The following LRTM2 variants were observed in gnomAD, a reference collection of about 807,000 sequenced individuals.
LRTM2 encodes the protein leucine rich repeat transmembrane protein 2.
LRTM2 carries 18 observed loss-of-function variants against 28.1 expected under a neutral mutation model. That is an observed-to-expected ratio of 0.64 (90% CI 0.44 to 0.95). The LOEUF is 0.95. Among genes scored for constraint, LRTM2 ranks in the 40% least tolerant of loss-of-function variants. The probability of loss-of-function intolerance (pLI) is 0.00; values close to 1 mark genes in which losing one functional copy is unlikely to be tolerated. For synonymous variants in LRTM2, 250 were observed against 218.7 expected (o/e 1.14, Z -1.26); for missense variants, 436 against 497.2 (o/e 0.88, Z 1.17).
intron 4 of LRTM2, among the ~76,000 whole-genome samples, chr12:1,832,566 C>CA (rs1480885142): frequency 6.6e-6 from 1 of 152,206 alleles, no homozygotes; most frequent in Non-Finnish European, 1.5e-5. Context: ...TAAAGTCTTA[C>CA]TACTTTCATT....
chr12:1,830,800 T>A (rs1030974794), intron 3 of LRTM2, 135 bp from the exon 4 acceptor site: 1 of 692,750 alleles, frequency 1.4e-6, no homozygotes, highest in African/African-American at 1.8e-5. Context: ...TTAATAAACG[T>A]TTATGCATTG....
rs889073741 is a variant in LRTM2, at chr12:1,828,999, C to A, written c.67+784C>A. The stretch of plus-strand genomic sequence containing the variant: ...ATTCCGCCTGACTTCCCGCTCTGAT[C>A]CAGCACCCAACACGGGCAGCCTGAA... On this transcript the variant is annotated intron_variant, in intron 3 of 4. Transcript: ENST00000299194. This position sits in a 1 kb window ranked among gnomAD's most constrained non-coding sequence, Gnocchi z 4.2. 1.3e-5 allele frequency among the ~76,000 whole-genome samples: 2 copies of A among 152,234 alleles called. No homozygotes were observed. Among genetic ancestry groups the A allele is most frequent in the Admixed American group, 6.5e-5 (1 of 15,290 alleles).
intron 4 of LRTM2, among the ~76,000 whole-genome samples, chr12:1,831,921 G>A (rs1459720901): frequency 6.6e-6 from 1 of 152,150 alleles, no homozygotes; most frequent in Admixed American, 6.5e-5. Context: ...GTAGAAGGAG[G>A]GAGAAAAACA....
At chr12:1,830,431 AG>A (rs1864569877) in intron 3 of LRTM2, among the ~76,000 whole-genome samples, 1 of 152,064 alleles carries the variant, frequency 6.6e-6, no homozygotes, top group African/African-American at 2.4e-5. Flanking sequence ...TGGGCCACAG[AG>A]GGGAGGGAGC....
At position 1,828,258 on chromosome 12, in the gene LRTM2, G is replaced by A. The variant is rs1325956968; in HGVS notation, c.67+43G>A. 1.7e-5 allele frequency: 26 copies of A among 1,493,994 alleles called. No homozygotes were observed. The highest frequency in any genetic ancestry group is 2.3e-5 in the Non-Finnish European group (26 of 1,110,128). The allele number at this position is 1,493,994 out of a possible 1,614,324, so 92.5% of individuals were successfully genotyped here. ...CTCGGAGGGGGGTGCGGGTTGGGTG[G>A]GGGTGCCGAGGTGACTGTAGGTAGC... is the stretch of plus-strand genomic sequence containing the variant. On this transcript the variant is annotated intron_variant, in intron 3 of 4. Transcript: ENST00000299194. The surrounding 1 kb of genome is among the most constrained non-coding windows in gnomAD (Gnocchi z 4.2).
chr12:1,832,432 C>T (rs1307643147), intron 4 of LRTM2, among the ~76,000 whole-genome samples: 2 of 152,242 alleles, frequency 1.3e-5, no homozygotes, highest in African/African-American at 2.4e-5. Context: ...CGTTCACTTC[C>T]TGGTAATAAT....
chr12:1,820,757 C>G lies in LRTM2; in HGVS notation c.-316C>G, dbSNP rs955581128. 1 of 152,330 alleles carries G rather than the reference C, an allele frequency of 6.6e-6. No individual in the cohort carries two copies. Among genetic ancestry groups the G allele is most frequent in the Non-Finnish European group, 1.5e-5 (1 of 68,104 alleles). The allele number at this position is 152,330 out of a possible 1,614,324, so 9.4% of individuals were successfully genotyped here. A position where few individuals can be genotyped will look rare whatever the true frequency, so the allele number is the denominator to read the frequency against. The stretch of plus-strand genomic sequence containing the variant: ...ATTTCTATAGGAATCCCAGGAGGGT[C>G]TTACTGGAGGGTTGAGAGCCACCTG... On this transcript the variant is annotated 5_prime_UTR_variant, in exon 1 of 5. Coordinates refer to ENST00000299194, the MANE Select transcript of LRTM2 (RefSeq NM_001039029.3). This position sits in a 1 kb window ranked among gnomAD's most constrained non-coding sequence, Gnocchi z 6.0.
chr12:1,834,680 G>A lies in LRTM2; in HGVS notation c.1072G>A (p.Gly358Ser). 6.2e-7 allele frequency: 1 copy of A among 1,602,044 alleles called. No homozygotes were observed. The highest frequency in any genetic ancestry group is 8.5e-7 in the Non-Finnish European group (1 of 1,179,460). Residue 358 changes from glycine to serine, a missense_variant, in exon 5 of 5, where the codon GGC (glycine) becomes AGC (serine). Transcript: ENST00000299194. The surrounding 1 kb of genome is among the most constrained non-coding windows in gnomAD (Gnocchi z 7.6). The stretch of plus-strand genomic sequence containing the variant: ...CCAGCCCCTGATGGGGGACCCCGAG[G>A]GCGAGCACGAGGACCAGAAGCAGAT... Reference protein sequence around the residue: ...KRQPLMGDPEGEHEDQKQISS... With the variant: ...KRQPLMGDPESEHEDQKQISS...
At position 1,828,340 on chromosome 12, in the gene LRTM2, TG is replaced by T; in HGVS notation, c.67+129del. The T allele has an allele frequency of 1.2e-6, 1 of 854,100 alleles. No homozygotes were observed. The allele number at this position is 854,100 out of a possible 1,614,324, so 52.9% of individuals were successfully genotyped here. ...CAGGGAGGCCTACGCCAGATCTTCC[TG>T]GGGTACCCGAGGCTATGTTCTGGGA... On this transcript the variant is annotated intron_variant, in intron 3 of 4. Coordinates refer to ENST00000299194, the MANE Select transcript of LRTM2 (RefSeq NM_001039029.3). The surrounding 1 kb of genome is among the most constrained non-coding windows in gnomAD (Gnocchi z 4.2).
intron 1 of LRTM2, among the ~76,000 whole-genome samples, chr12:1,821,201 G>T (rs1160146277): frequency 6.6e-6 from 1 of 152,224 alleles, no homozygotes; most frequent in Non-Finnish European, 1.5e-5. Context: ...AGAAACTCGG[G>T]GGTCATGGGA....
intron 1 of LRTM2, among the ~76,000 whole-genome samples, chr12:1,824,460 T>C (rs1302852780): frequency 6.6e-6 from 1 of 152,112 alleles, no homozygotes; most frequent in African/African-American, 2.4e-5. Context: ...TCAGCCCCAT[T>C]CTCCAATCCT....
At chr12:1,825,229 C>A (rs1247737960) in intron 1 of LRTM2, among the ~76,000 whole-genome samples, 2 of 152,166 alleles carry the variant, frequency 1.3e-5, no homozygotes, top group African/African-American at 4.8e-5. Flanking sequence ...GTGGGAGACA[C>A]TGAGGGATGG....
At chr12:1,822,972 G>A (rs1019607403) in intron 1 of LRTM2, among the ~76,000 whole-genome samples, 3 of 152,210 alleles carry the variant, frequency 2.0e-5, no homozygotes, top group African/African-American at 7.2e-5. Flanking sequence ...CCCAGGGTGT[G>A]GGCCCAGTCG....
chr12:1,826,604 G>A (rs949040577), intron 1 of LRTM2, among the ~76,000 whole-genome samples: 3 of 152,210 alleles, frequency 2.0e-5, no homozygotes, highest in Admixed American at 2.0e-4. Flanking sequence ...CTCTGCCAAC[G>A]CCTGCGGGGC....
rs535735200 is a variant in LRTM2, at chr12:1,830,304, C to T, written c.68-631C>T. ...CTAAATCCTCATGCCAAACTGCTGG[C>T]GTCATCATGGGTGTGGGATTGATGG... On this transcript the variant is annotated intron_variant, in intron 3 of 4. Coordinates refer to ENST00000299194, the MANE Select transcript of LRTM2 (RefSeq NM_001039029.3). 2.0e-3 allele frequency among the ~76,000 whole-genome samples: 301 copies of T among 152,330 alleles called. 1 individual carries two copies. The highest frequency in any genetic ancestry group is 7.1e-3 in the African/African-American group (296 of 41,568).
At chr12:1,822,414 T>C (rs897639135) in intron 1 of LRTM2, among the ~76,000 whole-genome samples, 29 of 151,990 alleles carry the variant, frequency 1.9e-4, no homozygotes, top group African/African-American at 6.3e-4. Context: ...TCCTCCTTTT[T>C]CCCCCAGCCA....
chr12:1,831,593 C>G, intron 4 of LRTM2, 68 bp downstream of exon 4: 4 of 1,350,554 alleles, frequency 3.0e-6, no homozygotes, highest in South Asian at 2.7e-5. Context: ...ACACTTTCCT[C>G]CTGGTGGCTG....
intron 1 of LRTM2, among the ~76,000 whole-genome samples, chr12:1,825,206 C>G (rs1864265196): frequency 6.6e-6 from 1 of 152,196 alleles, no homozygotes; most frequent in African/African-American, 2.4e-5. Flanking sequence ...TGGTTAACTC[C>G]TGGGCTCACA....
rs75670578 is a variant in LRTM2 at position 1,826,527 on chromosome 12, C to A, written c.-258-883C>A. Among the ~76,000 whole-genome samples the A allele has an allele frequency of 3.1e-4, 47 of 149,994 alleles. No individual in the cohort carries two copies. In the East Asian group the frequency reaches 8.6e-3, roughly 28 times the overall value. ...CACCCCTCATGCCAGGGACGTGGGT[C>A]CTCCTGAAGGCTGCATGGGCACCTG... is the stretch of plus-strand genomic sequence containing the variant. On this transcript the variant is annotated intron_variant, in intron 1 of 4. Transcript: ENST00000299194.
Sources: allele counts gnomAD v4.1 joint callset (sites outside exome capture counted in the v4.1 genomes callset), GRCh38; gene constraint gnomAD v4.1.1; non-coding constraint Gnocchi (gnomAD v3.1); transcripts MANE v1.5; gene names NCBI Gene and HGNC (gene_info 2026-07-23, HGNC 2026-07-21).